Variants in ACCSL observed in about 807,000 individuals in gnomAD.
The protein encoded by ACCSL is probable inactive 1-aminocyclopropane-1-carboxylate synthase-like protein 2.
A neutral mutation model predicts 61.7 loss-of-function variants in ACCSL; 55 were observed. The observed-to-expected ratio is 0.89, with a 90% CI of 0.72 to 1.12. The LOEUF is 1.12. Ranked by LOEUF, ACCSL falls within the 50% of genes most tolerant of loss-of-function variation. ACCSL has a pLI of 0.00. For missense variants in ACCSL, 632 were observed against 698.0 expected, an observed-to-expected ratio of 0.91 and a Z score of 1.07; for synonymous variants, 258 against 264.3, an observed-to-expected ratio of 0.98 and a Z score of 0.23.
chr11:43,924,282 G>T, the ACCSL span, among the ~76,000 whole-genome samples: 1 of 152,266 alleles, frequency 6.6e-6, no homozygotes, highest in Non-Finnish European at 1.5e-5. Context: ...GCCCTGGAGG[G>T]CTAGCCCAGC....
chr11:43,995,070 T>C, the ACCSL span: 1 of 152,384 alleles, frequency 6.6e-6, no homozygotes, highest in Non-Finnish European at 1.5e-5. Flanking sequence ...TGGCATGTCC[T>C]GGCCAGGGTC....
chr11:43,940,481 G>C, the ACCSL span, among the ~76,000 whole-genome samples: 2 of 151,400 alleles, frequency 1.3e-5, no homozygotes, highest in East Asian at 1.9e-4. Flanking sequence ...TCAGCCTCTC[G>C]AGTAGCTGGG....
chr11:44,014,379 C>G, the ACCSL span, among the ~76,000 whole-genome samples: 3 of 152,014 alleles, frequency 2.0e-5, no homozygotes, highest in African/African-American at 7.3e-5. Context: ...CGGCTGTCAG[C>G]CAGAGACCTC....
At chr11:43,945,213 CTT>C in the ACCSL span, 4 of 152,214 alleles carry the variant, frequency 2.6e-5, no homozygotes, top group African/African-American at 9.7e-5. Context: ...GCAGGAGACT[CTT>C]AACCTGCAAA....
chr11:44,024,630 T>C, the ACCSL span, among the ~76,000 whole-genome samples: 3 of 152,192 alleles, frequency 2.0e-5, no homozygotes, highest in Non-Finnish European at 4.4e-5. Context: ...TGGAGAATGT[T>C]CCATGTGCAC....
At chr11:43,924,528 G>T in the ACCSL span, among the ~76,000 whole-genome samples, 2 of 152,272 alleles carry the variant, frequency 1.3e-5, no homozygotes. Flanking sequence ...GAGTGGGACA[G>T]GGACCTGGAG....
At chr11:43,932,849 C>A in the ACCSL span, among the ~76,000 whole-genome samples, 153 of 152,344 alleles carry the variant, frequency 1.0e-3, 2 homozygotes, top group East Asian at 0.023. Flanking sequence ...GGAAGCGGTT[C>A]CTTCCAGGGC....
the ACCSL span, among the ~76,000 whole-genome samples, chr11:43,967,165 T>TTC: frequency 1.7e-5 from 2 of 119,722 alleles, no homozygotes; most frequent in Admixed American, 2.0e-4. Context: ...CTTCTTCTTC[T>TTC]TCTTTTTTTT....
chr11:43,960,750 A>G, the ACCSL span, among the ~76,000 whole-genome samples: 34 of 152,072 alleles, frequency 2.2e-4, no homozygotes, highest in Admixed American at 2.1e-3. Flanking sequence ...AGTTGTTTAA[A>G]TGCTAGTTGT....
At chr11:44,017,550 G>C in the ACCSL span, among the ~76,000 whole-genome samples, 1 of 152,178 alleles carries the variant, frequency 6.6e-6, no homozygotes, top group African/African-American at 2.4e-5. Flanking sequence ...GTTCTCCCAG[G>C]CTTGGGGGCA....
chr11:44,013,209 A>G, the ACCSL span, among the ~76,000 whole-genome samples: 1 of 152,252 alleles, frequency 6.6e-6, no homozygotes, highest in African/African-American at 2.4e-5. Flanking sequence ...TGGGCTAAAA[A>G]TAGGCATAAA....
In ACCSL at chr11:44,049,189, G is replaced by A. The variant is rs538159909; in HGVS notation, c.504+649G>A. ...AATCCCAGCACTTTGGGAGGCCAAGGTTGGTGGATCGCTCAAGTCCAGGAA... is the reference window on the plus strand; with the variant it reads ...AATCCCAGCACTTTGGGAGGCCAAGATTGGTGGATCGCTCAAGTCCAGGAA... On this transcript the variant is annotated intron_variant, in intron 1 of 13. Coordinates refer to ENST00000378832, the MANE Select transcript of ACCSL (RefSeq NM_001031854.2). Among the ~76,000 whole-genome samples the A allele has an allele frequency of 3.3e-5, 5 of 152,234 alleles. No individual in the cohort carries two copies. The East Asian group carries it at 9.7e-4, about 29-fold the overall frequency.
At chr11:43,924,576 G>A in the ACCSL span, among the ~76,000 whole-genome samples, 1 of 152,260 alleles carries the variant, frequency 6.6e-6, no homozygotes, top group African/African-American at 2.4e-5. Context: ...TGCTAGCCCC[G>A]CAGCCTCCAG....
the ACCSL span, among the ~76,000 whole-genome samples, chr11:43,932,042 C>T: frequency 3.0e-4 from 45 of 152,306 alleles, no homozygotes; most frequent in African/African-American, 7.7e-4. Context: ...ATAAGGATGA[C>T]GGTGTGTCCT....
the ACCSL span, among the ~76,000 whole-genome samples, chr11:44,002,929 AG>A: frequency 6.6e-6 from 1 of 152,060 alleles, no homozygotes; most frequent in Non-Finnish European, 1.5e-5. Context: ...CGGCATGGTG[AG>A]GGTGACTTTC....
the ACCSL span, among the ~76,000 whole-genome samples, chr11:43,983,586 C>T: frequency 2.6e-5 from 4 of 152,120 alleles, no homozygotes; most frequent in Admixed American, 1.3e-4. Flanking sequence ...CTGAACAGAT[C>T]GAGGTATTAC....
the ACCSL span, among the ~76,000 whole-genome samples, chr11:43,987,954 G>T: frequency 6.6e-6 from 1 of 151,866 alleles, no homozygotes; most frequent in Non-Finnish European, 1.5e-5. Context: ...ATTTTCCTGG[G>T]CCAAGAACTG....
the ACCSL span, among the ~76,000 whole-genome samples, chr11:43,983,254 C>A: frequency 2.6e-5 from 4 of 152,268 alleles, no homozygotes; most frequent in South Asian, 8.3e-4. Flanking sequence ...AATAAAGGTG[C>A]TCCAGGAAAC....
the ACCSL span, among the ~76,000 whole-genome samples, chr11:43,972,676 G>A: frequency 1.3e-5 from 2 of 152,234 alleles, no homozygotes; most frequent in Non-Finnish European, 2.9e-5. Flanking sequence ...TAAGGGACAG[G>A]TGATTTACAG....
Sources: allele counts gnomAD v4.1 joint callset (sites outside exome capture counted in the v4.1 genomes callset), GRCh38; gene constraint gnomAD v4.1.1; transcripts MANE v1.5; gene names NCBI Gene and HGNC (gene_info 2026-07-23, HGNC 2026-07-21).